Variants in OR2L2 observed in about 807,000 individuals in gnomAD.
The protein encoded by OR2L2 is olfactory receptor family 2 subfamily L member 2.
For synonymous variants in OR2L2, 156 were observed against 135.4 expected, an observed-to-expected ratio of 1.15 and a Z score of -1.06; for missense variants, 378 against 375.2, an observed-to-expected ratio of 1.01 and a Z score of -0.06.
rs1662832221 is a variant in OR2L2 at position 248,038,498 on chromosome 1, T to C, written c.231T>C (p.Val77=). The C allele has an allele frequency of 6.2e-7, 1 of 1,613,832 alleles. No individual in the cohort carries two copies. Among genetic ancestry groups the C allele is most frequent in the African/African-American group, 1.3e-5 (1 of 74,920 alleles). The change falls in exon 3 of 3, where the codon GTT becomes GTC. Residue 77 remains valine, a synonymous_variant. Coordinates refer to ENST00000641771, the MANE Select transcript of OR2L2 (RefSeq NM_001385855.1). ...ACCTAAATTACATCTCCACCATTGT[T>C]CCAAAGATGGTTTATGATTTTCTGT... The part of the protein sequence containing the change: ...LIDLNYISTI[V]PKMVYDFLYG...
chr1:248,041,814 C>CA lies in OR2L2; in HGVS notation c.*2609dup, dbSNP rs1245699835. On this transcript the variant is annotated 3_prime_UTR_variant, in exon 3 of 3. Transcript: ENST00000641771. Reference sequence around the variant, plus strand: ...GCAAATCAAAACCACAATGAGATACCATCTCACACCAGTTAGAATGGCAAT... The same window carrying CA: ...GCAAATCAAAACCACAATGAGATACCAATCTCACACCAGTTAGAATGGCAAT... 6.6e-6 allele frequency: 1 copy of CA among 152,184 alleles called. No individual in the cohort carries two copies. Among genetic ancestry groups the CA allele is most frequent in the Non-Finnish European group, 1.5e-5 (1 of 68,034 alleles). The allele number at this position is 152,184 out of a possible 1,614,324, so 9.4% of individuals were successfully genotyped here. A position where few individuals can be genotyped will look rare whatever the true frequency, so the allele number is the denominator to read the frequency against.
chr1:248,033,359 T>C (rs2103090156), intron 1 of OR2L2, among the ~76,000 whole-genome samples: 1 of 152,300 alleles, frequency 6.6e-6, no homozygotes, highest in Middle Eastern at 3.4e-3. Flanking sequence ...TGAGTAAACT[T>C]GGTTTGCTTG....
intron 1 of OR2L2, among the ~76,000 whole-genome samples, chr1:248,035,149 G>T (rs1253868513): frequency 6.7e-6 from 1 of 149,630 alleles, no homozygotes; most frequent in Non-Finnish European, 1.5e-5. Context: ...CCAAATCTTA[G>T]ACTAAAAAGT....
chr1:248,038,722 C>T lies in OR2L2; in HGVS notation c.455C>T (p.Ser152Phe), dbSNP rs769897327. 1 of 1,614,122 alleles carries T rather than the reference C, an allele frequency of 6.2e-7. No individual in the cohort carries two copies. Among genetic ancestry groups the T allele is most frequent in the Non-Finnish European group, 8.5e-7 (1 of 1,180,012 alleles). ...ATAACAGGATCTTGGATGATAAGCT[C>T]TATCAACTCTTGTGCTCACACAGTA... ...MMITGSWMIS[S>F]INSCAHTVYA... Residue 152 changes from serine to phenylalanine, a missense_variant, in exon 3 of 3, where the codon TCT becomes TTT. Ser to Phe is a radical substitution (Grantham distance 155). Coordinates refer to ENST00000641771, the MANE Select transcript of OR2L2 (RefSeq NM_001385855.1).
rs1558193833 is a variant in OR2L2 at position 248,039,102 on chromosome 1, A to G, written c.835A>G (p.Ile279Val). ...CAAGATTCTGGCTGTTTTCTACACC[A>G]TCCTCACCCCAATGCTCAACCCCAT... ...EDKILAVFYT[I>V]LTPMLNPIIY... The change falls in exon 3 of 3, where the codon ATC (isoleucine) becomes GTC (valine). Residue 279 changes from isoleucine (I) to valine (V), a missense_variant. Coordinates refer to ENST00000641771, the MANE Select transcript of OR2L2 (RefSeq NM_001385855.1). 3 of 1,614,132 alleles carry G rather than the reference A, an allele frequency of 1.9e-6. No individual in the cohort carries two copies. The highest frequency in any genetic ancestry group is 1.1e-5 in the South Asian group (1 of 91,070).
At chr1:248,035,110 G>A (rs1382638405) in intron 1 of OR2L2, among the ~76,000 whole-genome samples, 9 of 142,996 alleles carry the variant, frequency 6.3e-5, no homozygotes. Flanking sequence ...CTGAATAGAT[G>A]CCGTGAAAGT....
At position 248,039,311 on chromosome 1, in the gene OR2L2, T is replaced by A. The variant is rs1005025782; in HGVS notation, c.*105T>A. On this transcript the variant is annotated 3_prime_UTR_variant, in exon 3 of 3. Transcript: ENST00000641771. The stretch of plus-strand genomic sequence containing the variant: ...CATGCCCAGTGTGTCAAACAGAAGT[T>A]AATCTAGAAGAAATTTGTCTTTTAA... 48 of 1,059,118 alleles carry A rather than the reference T, an allele frequency of 4.5e-5. No individual in the cohort carries two copies. Among genetic ancestry groups the A allele is most frequent in the Non-Finnish European group, 1.2e-5 (9 of 735,700 alleles). 65.6% of individuals were successfully genotyped at this position (1,059,118 alleles called of 1,614,324 possible).
At chr1:248,032,565 A>T (rs1248105492) in intron 1 of OR2L2, among the ~76,000 whole-genome samples, 1 of 152,056 alleles carries the variant, frequency 6.6e-6, no homozygotes, top group African/African-American at 2.4e-5. Context: ...GTCTCTATAA[A>T]TTTGACTACT....
At chr1:248,036,324 T>C (rs1249548139) in intron 2 of OR2L2, among the ~76,000 whole-genome samples, 1 of 152,256 alleles carries the variant, frequency 6.6e-6, no homozygotes, top group African/African-American at 2.4e-5. Context: ...ATTGTATCTT[T>C]AATTTCAAAG....
rs1412711196 is a variant in OR2L2 at position 248,038,649 on chromosome 1, C to A, written c.382C>A (p.Pro128Thr). 1 of 1,614,178 alleles carries A rather than the reference C, an allele frequency of 6.2e-7. No individual in the cohort carries two copies. The highest frequency in any genetic ancestry group is 1.1e-5 in the South Asian group (1 of 91,078). ...AYDRYVAICF[P>T]LHYPIRISKR... The stretch of plus-strand genomic sequence containing the variant: ...TGATCGTTATGTGGCCATTTGCTTT[C>A]CTCTCCACTATCCCATCCGTATAAG... Residue 128 changes from proline (P) to threonine (T), a missense_variant, in exon 3 of 3, where the codon CCT (proline) becomes ACT (threonine). By Grantham distance (38) the Pro-to-Thr change is conservative. Coordinates refer to ENST00000641771, the MANE Select transcript of OR2L2 (RefSeq NM_001385855.1).
intron 1 of OR2L2, among the ~76,000 whole-genome samples, chr1:248,033,426 C>A (rs1558190888): frequency 6.6e-6 from 1 of 151,198 alleles, no homozygotes; most frequent in Non-Finnish European, 1.5e-5. Context: ...TTTTCTATTT[C>A]TTCTTCTTCT....
At chr1:248,031,969 G>T (rs1266508984) in intron 1 of OR2L2, among the ~76,000 whole-genome samples, 1 of 151,958 alleles carries the variant, frequency 6.6e-6, no homozygotes, top group Non-Finnish European at 1.5e-5. Flanking sequence ...GTCATCGACT[G>T]CCCTATATAA....
Position 248,039,212 on chromosome 1 carries a change from C to T in OR2L2, c.*6C>T, listed in dbSNP as rs377345880. 248 of 1,598,702 alleles carry T rather than the reference C, an allele frequency of 1.6e-4. No individual in the cohort carries two copies. Among genetic ancestry groups the T allele is most frequent in the Admixed American group, 2.5e-4 (15 of 59,076 alleles). ...TCTTCTCAGTGAAAATGTAGACATA[C>T]GTTCTGTGTTAGAGTCAAAGCGCTA... On this transcript the variant is annotated 3_prime_UTR_variant, in exon 3 of 3. Coordinates refer to ENST00000641771, the MANE Select transcript of OR2L2 (RefSeq NM_001385855.1).
At chr1:248,033,735 A>C (rs957314744) in intron 1 of OR2L2, among the ~76,000 whole-genome samples, 1 of 151,316 alleles carries the variant, frequency 6.6e-6, no homozygotes, top group Non-Finnish European at 1.5e-5. Context: ...GAGCCATGGC[A>C]CCTGTCCTCT....
Position 248,039,222 on chromosome 1 carries a change from TAG to T in OR2L2, c.*19_*20del. 6.3e-7 allele frequency: 1 copy of T among 1,590,502 alleles called. No homozygotes were observed. The highest frequency in any genetic ancestry group is 8.6e-7 in the Non-Finnish European group (1 of 1,168,550). On this transcript the variant is annotated 3_prime_UTR_variant, in exon 3 of 3. Transcript: ENST00000641771. ...GAAAATGTAGACATACGTTCTGTGT[TAG>T]AGTCAAAGCGCTAGGTTCATATCAA... is the stretch of plus-strand genomic sequence containing the variant.
chr1:248,042,253 G>A lies in OR2L2; in HGVS notation c.*3047G>A, dbSNP rs199758685. The A allele has an allele frequency of 6.9e-4, 100 of 145,462 alleles. No homozygotes were observed. The highest frequency in any genetic ancestry group is 1.4e-3 in the East Asian group (7 of 4,872). The allele number at this position is 145,462 out of a possible 1,614,324, so 9.0% of individuals were successfully genotyped here. A position where few individuals can be genotyped will look rare whatever the true frequency, so the allele number is the denominator to read the frequency against. On this transcript the variant is annotated 3_prime_UTR_variant, in exon 3 of 3. Transcript: ENST00000641771. ...CATCATTCTCACTAAACTATCACAA[G>A]AACAAAAAACCAAACACCGCATATT...
chr1:248,036,900 T>C (rs1369374016), intron 2 of OR2L2, among the ~76,000 whole-genome samples: 3 of 152,166 alleles, frequency 2.0e-5, no homozygotes, highest in Non-Finnish European at 4.4e-5. Flanking sequence ...ATACTTATGA[T>C]CCCTTCATAT....
At chr1:248,035,303 A>G (rs1344585738) in intron 1 of OR2L2, among the ~76,000 whole-genome samples, 1 of 152,042 alleles carries the variant, frequency 6.6e-6, no homozygotes, top group Non-Finnish European at 1.5e-5. Context: ...ACAAAAATTT[A>G]GCCAGCTTGG....
At chr1:248,037,096 G>C (rs1662783290) in intron 2 of OR2L2, among the ~76,000 whole-genome samples, 1 of 152,164 alleles carries the variant, frequency 6.6e-6, no homozygotes, top group Admixed American at 6.5e-5. Flanking sequence ...AGGCAAAAGA[G>C]AATGGACATT....
Sources: gnomAD v4.1 joint callset for allele counts (sites outside exome capture counted in the v4.1 genomes callset) on GRCh38, gnomAD v4.1.1 for gene constraint, MANE v1.5 for transcripts, NCBI Gene and HGNC (gene_info 2026-07-23, HGNC 2026-07-21) for gene names.